Variants in C2CD2L observed in about 807,000 individuals in gnomAD.
C2CD2L encodes the protein C2CD2 like, also known as phospholipid transfer protein C2CD2L.
C2CD2L carries 24 observed loss-of-function variants against 69.9 expected under a neutral mutation model. That is an observed-to-expected ratio of 0.34 (90% CI 0.25 to 0.48). The LOEUF is 0.48. C2CD2L is among the 20% of genes least tolerant of loss of function. The pLI is 0.99. For missense variants in C2CD2L, 811 were observed against 941.5 expected (o/e 0.86, Z 1.81); for synonymous variants, 367 against 391.0 (o/e 0.94, Z 0.72).
chr11:119,111,908 G>A (rs1322448842), intron 7 of C2CD2L: 5 of 464,206 alleles, frequency 1.1e-5, no homozygotes, highest in Non-Finnish European at 1.9e-5. Flanking sequence ...AGAGTGCCTA[G>A]GTGGGGGGGA....
rs912313920 is a variant in C2CD2L at position 119,113,620 on chromosome 11, C to T, written c.1397C>T (p.Ser466Phe). Residue 466 changes from serine (S) to phenylalanine (F), a missense_variant, in exon 11 of 14, where the codon TCC (serine) becomes TTC (phenylalanine). Ser to Phe is a radical substitution (Grantham distance 155, BLOSUM62 -2). Coordinates refer to ENST00000648610, the MANE Select transcript of C2CD2L (RefSeq NM_001290474.2). The stretch of plus-strand genomic sequence containing the variant: ...CTCCCCCACCCACCAGACTCCCCCT[C>T]CCGCTCCCCGTCCAAGGTGGAGGTG... Reference protein sequence around the residue: ...PRIDGKLDSPSRSPSKVEVTE... With the variant: ...PRIDGKLDSPFRSPSKVEVTE... 1.2e-6 allele frequency: 2 copies of T among 1,611,936 alleles called. No homozygotes were observed. The highest frequency in any genetic ancestry group is 1.7e-6 in the Non-Finnish European group (2 of 1,178,670).
At chr11:119,105,613 C>A (rs1234939841), upstream of C2CD2L, among the ~76,000 whole-genome samples, 1 of 149,900 alleles carries the variant, frequency 6.7e-6, no homozygotes, top group Admixed American at 6.7e-5. Flanking sequence ...GCACCCCAGC[C>A]TGGGCAACAG....
rs1406959149 is a variant in C2CD2L, at chr11:119,107,870, CG to C, written c.133del (p.Asp45ThrfsTer8). On this transcript the variant is annotated frameshift_variant, in exon 1 of 14. Transcript: ENST00000648610. LOFTEE classifies it high-confidence loss of function. This position sits in a 1 kb window ranked among gnomAD's most constrained non-coding sequence, Gnocchi z 5.4. ...GGGGCTTGTGGCTGGCGCGGGCCCG[CG>C]GGGACCGGGGCCCGGGACCCGCCTT... ...ARGLWLARARGDRGPGPALAG... is the reference protein window; with the variant it reads ...ARGLWLARARXDRGPGPALAG... 2.0e-6 allele frequency: 3 copies of C among 1,515,350 alleles called. No individual in the cohort carries two copies. The highest frequency in any genetic ancestry group is 2.1e-5 in the Admixed American group (1 of 46,952). The allele number at this position is 1,515,350 out of a possible 1,614,324, so 93.9% of individuals were successfully genotyped here.
chr11:119,111,878 G>A (rs1946752392), intron 7 of C2CD2L: 1 of 500,752 alleles, frequency 2.0e-6, no homozygotes. Flanking sequence ...CTCCAGTTGA[G>A]GTTTATGTAA....
chr11:119,111,782 G>C, intron 7 of C2CD2L, 153 bp downstream of exon 7: 1 of 605,418 alleles, frequency 1.7e-6, no homozygotes, highest in South Asian at 2.0e-5. Context: ...TAGGGATACA[G>C]ACTTGACCAA....
chr11:119,111,809 CT>C (rs1292186270), intron 7 of C2CD2L, 180 bp downstream of exon 7: 3 of 576,726 alleles, frequency 5.2e-6, no homozygotes, highest in East Asian at 5.8e-5. Flanking sequence ...GCCCCCACCC[CT>C]GGGTCAATGA....
intron 11 of C2CD2L, 46 bp downstream of exon 11, chr11:119,113,758 C>G (rs995366438): frequency 1.2e-6 from 2 of 1,612,642 alleles, no homozygotes; most frequent in Admixed American, 3.3e-5. Context: ...CCCTGGTGCC[C>G]CAGCATCAAA....
In C2CD2L at chr11:119,112,750, C is replaced by T. The variant is rs1338840967; in HGVS notation, c.1263C>T (p.Ser421=). Residue 421 remains serine, a synonymous_variant, in exon 10 of 14, where the codon TCC becomes TCT. Coordinates refer to ENST00000648610, the MANE Select transcript of C2CD2L (RefSeq NM_001290474.2). ...GGAACCTGGGTACTCCCACCTCCTCCACTCCACGCCCCAGCATCACACCTA... is the reference window on the plus strand; with the variant it reads ...GGAACCTGGGTACTCCCACCTCCTCTACTCCACGCCCCAGCATCACACCTA... ...SPRNLGTPTS[S]TPRPSITPTK... is the part of the protein sequence containing the mutation. 4.3e-6 allele frequency: 7 copies of T among 1,614,034 alleles called. No individual in the cohort carries two copies. Among genetic ancestry groups the T allele is most frequent in the East Asian group, 4.5e-5 (2 of 44,886 alleles).
At chr11:119,115,399 T>G (rs1461854667) in intron 13 of C2CD2L, 3 of 152,560 alleles carry the variant, frequency 2.0e-5, no homozygotes, top group African/African-American at 4.8e-5. Flanking sequence ...CTTTAAAAGA[T>G]GAGAGGCTCA....
Position 119,107,878 on chromosome 11 carries a change from G to C in C2CD2L, c.137G>C (p.Arg46Pro). ...GLWLARARGDRGPGPALAGEP... is the reference protein window; with the variant it reads ...GLWLARARGDPGPGPALAGEP... ...TGGCTGGCGCGGGCCCGCGGGGACC[G>C]GGGCCCGGGACCCGCCTTAGCCGGG... Residue 46 changes from arginine to proline, a missense_variant, in exon 1 of 14, where the codon CGG becomes CCG. Coordinates refer to ENST00000648610, the MANE Select transcript of C2CD2L (RefSeq NM_001290474.2). The surrounding 1 kb of genome is among the most constrained non-coding windows in gnomAD (Gnocchi z 5.4). 6.6e-7 allele frequency: 1 copy of C among 1,517,168 alleles called. No homozygotes were observed. Among genetic ancestry groups the C allele is most frequent in the South Asian group, 1.2e-5 (1 of 81,730 alleles). The allele number at this position is 1,517,168 out of a possible 1,614,324, so 94.0% of individuals were successfully genotyped here. A position where few individuals can be genotyped will look rare whatever the true frequency, so the allele number is the denominator to read the frequency against.
chr11:119,109,059 G>A lies in C2CD2L; in HGVS notation c.354+964G>A, dbSNP rs1946667249. Among the ~76,000 whole-genome samples the A allele has an allele frequency of 1.3e-5, 2 of 152,190 alleles. No homozygotes were observed. The highest frequency in any genetic ancestry group is 2.9e-5 in the Non-Finnish European group (2 of 68,034). On this transcript the variant is annotated intron_variant, in intron 1 of 13. Coordinates refer to ENST00000648610, the MANE Select transcript of C2CD2L (RefSeq NM_001290474.2). This position sits in a 1 kb window ranked among gnomAD's most constrained non-coding sequence, Gnocchi z 5.1. ...CCCACCTCTTCATCCAACTCTCCCTGTACCTTGTCCCTCGGTCAGAAGCAA... is the reference window on the plus strand; with the variant it reads ...CCCACCTCTTCATCCAACTCTCCCTATACCTTGTCCCTCGGTCAGAAGCAA...
upstream of C2CD2L, among the ~76,000 whole-genome samples, chr11:119,103,275 C>T (rs1946538149): frequency 6.6e-6 from 1 of 152,184 alleles, no homozygotes; most frequent in Admixed American, 6.5e-5. Flanking sequence ...AGGAAGTCAC[C>T]ACCAGTGAGT....
chr11:119,110,024 G>A lies in C2CD2L; in HGVS notation c.355-80G>A. ...CAGCTGAGGCCTCCGCAGTGGCAGAGTCCAGCCAGCAACTGAGCAGGCCAA... is the reference window on the plus strand; with the variant it reads ...CAGCTGAGGCCTCCGCAGTGGCAGAATCCAGCCAGCAACTGAGCAGGCCAA... On this transcript the variant is annotated intron_variant, in intron 1 of 13. Transcript: ENST00000648610. The surrounding 1 kb of genome is among the most constrained non-coding windows in gnomAD (Gnocchi z 5.7). The A allele has an allele frequency of 5.9e-6, 6 of 1,017,164 alleles. No individual in the cohort carries two copies. In the South Asian group the frequency reaches 6.4e-5, roughly 11 times the overall value. 63.0% of individuals were successfully genotyped at this position (1,017,164 alleles called of 1,614,324 possible). A position where few individuals can be genotyped will look rare whatever the true frequency, so the allele number is the denominator to read the frequency against.
At position 119,112,348 on chromosome 11, in the gene C2CD2L, G is replaced by A. The variant is rs375253280; in HGVS notation, c.1040G>A (p.Arg347Gln). 1.6e-4 allele frequency: 265 copies of A among 1,613,030 alleles called. 1 individual carries two copies. Among genetic ancestry groups the A allele is most frequent in the South Asian group, 4.7e-4 (43 of 91,026 alleles). Residue 347 changes from arginine (R) to glutamine (Q), a missense_variant, in exon 8 of 14, where the codon CGG becomes CAG. Coordinates refer to ENST00000648610, the MANE Select transcript of C2CD2L (RefSeq NM_001290474.2). ...CACAGGGATCTGGGCCCCCAGAGCCGGGAGCTGACCCTCAAAGTGCTGAGG... is the reference window on the plus strand; with the variant it reads ...CACAGGGATCTGGGCCCCCAGAGCCAGGAGCTGACCCTCAAAGTGCTGAGG... ...DLALDLGPQS[R>Q]ELTLKVLRSS...
intron 13 of C2CD2L, 103 bp from the exon 14 acceptor site, chr11:119,115,942 T>A: frequency 2.2e-6 from 2 of 905,158 alleles, no homozygotes; most frequent in Non-Finnish European, 1.7e-6. Context: ...ACGGGACTGA[T>A]CCTGTCCACA....
At position 119,111,034 on chromosome 11, in the gene C2CD2L, C is replaced by A; in HGVS notation, c.682-18C>A. On this transcript the variant is annotated intron_variant, in intron 4 of 13. Coordinates refer to ENST00000648610, the MANE Select transcript of C2CD2L (RefSeq NM_001290474.2). The stretch of plus-strand genomic sequence containing the variant: ...GTGGGGGATCCACCTCCTTGTTGTT[C>A]CCTTCTTCTCTCTGCAGAGAGGTGA... 1.9e-6 allele frequency: 3 copies of A among 1,613,118 alleles called. No individual in the cohort carries two copies. Among genetic ancestry groups the A allele is most frequent in the Non-Finnish European group, 8.5e-7 (1 of 1,179,112 alleles).
rs1199587542 is a variant in C2CD2L, at chr11:119,107,968, G to C, written c.227G>C (p.Arg76Pro). The C allele has an allele frequency of 1.3e-6, 2 of 1,551,006 alleles. No individual in the cohort carries two copies. Among genetic ancestry groups the C allele is most frequent in the East Asian group, 5.1e-5 (2 of 39,332 alleles). Residue 76 changes from arginine to proline, a missense_variant, in exon 1 of 14, where the codon CGG (arginine) becomes CCG (proline). By Grantham distance (103) the Arg-to-Pro change is moderately radical. Transcript: ENST00000648610. This position sits in a 1 kb window ranked among gnomAD's most constrained non-coding sequence, Gnocchi z 5.4. Reference protein sequence around the residue: ...WRSLLRLRATRAGAAEEPGVR... With the variant: ...WRSLLRLRATPAGAAEEPGVR... ...TCGCTGCTGCGGCTGCGGGCGACTC[G>C]GGCTGGCGCCGCCGAGGAGCCAGGA... is the stretch of plus-strand genomic sequence containing the variant.
chr11:119,110,802 G>T lies in C2CD2L; in HGVS notation c.571-45G>T. On this transcript the variant is annotated intron_variant, in intron 3 of 13. Transcript: ENST00000648610. The surrounding 1 kb of genome is among the most constrained non-coding windows in gnomAD (Gnocchi z 5.7). Reference sequence around the variant, plus strand: ...AGAGTCCTCGAATTAGGAGTCCTTGGGTAAATGGGGCAAGTCAGCCCAGTC... The same window carrying T: ...AGAGTCCTCGAATTAGGAGTCCTTGTGTAAATGGGGCAAGTCAGCCCAGTC... 6.2e-7 allele frequency: 1 copy of T among 1,609,172 alleles called. No individual in the cohort carries two copies. Among genetic ancestry groups the T allele is most frequent in the Non-Finnish European group, 8.5e-7 (1 of 1,176,234 alleles).
At position 119,112,641 on chromosome 11, in the gene C2CD2L, G is replaced by A. The variant is rs140734829; in HGVS notation, c.1212+32G>A. On this transcript the variant is annotated intron_variant, in intron 9 of 13. Coordinates refer to ENST00000648610, the MANE Select transcript of C2CD2L (RefSeq NM_001290474.2). Reference sequence around the variant, plus strand: ...AGCTGACCCCTGGGGTAGGTGGGAGGACACAGGGGATGGGCAGTCTCCGAG... The same window carrying A: ...AGCTGACCCCTGGGGTAGGTGGGAGAACACAGGGGATGGGCAGTCTCCGAG... 5.9e-3 allele frequency: 9,537 copies of A among 1,607,776 alleles called. 47 individuals carry two copies. Among genetic ancestry groups the A allele is most frequent in the Non-Finnish European group, 6.8e-3 (8,012 of 1,176,888 alleles).
Sources: gnomAD v4.1 joint callset for allele counts (sites outside exome capture counted in the v4.1 genomes callset) on GRCh38, gnomAD v4.1.1 for gene constraint, Gnocchi (gnomAD v3.1) non-coding constraint, MANE v1.5 for transcripts, NCBI Gene and HGNC (gene_info 2026-07-23, HGNC 2026-07-21) for gene names.